PFKFB3: variants seen among roughly 807,000 people sequenced by gnomAD.
PFKFB3 encodes 6-phosphofructo-2-kinase/fructose-2,6-biphosphatase 3, also known as 6-phosphofructo-2-kinase/fructose-2,6-bisphosphatase 3.
Under a neutral mutation model 68.0 loss-of-function variants are expected in PFKFB3, and 33 were observed. The observed-to-expected ratio is 0.49, with a 90% CI of 0.37 to 0.65. The LOEUF is 0.65. PFKFB3 is among the 30% of genes least tolerant of loss of function. The pLI, the probability that PFKFB3 is intolerant of heterozygous loss-of-function variation, is 0.00. For missense variants in PFKFB3, 586 were observed against 712.2 expected, an observed-to-expected ratio of 0.82 and a Z score of 2.02; for synonymous variants, 315 against 288.2, an observed-to-expected ratio of 1.09 and a Z score of -0.94.
chr10:6,217,363 C>A (rs755756831), intron 6 of PFKFB3, among the ~76,000 whole-genome samples, 172 bp downstream of exon 6: 2 of 152,192 alleles, frequency 1.3e-5, no homozygotes, highest in African/African-American at 2.4e-5. Context: ...GGTTTTTAAC[C>A]CAGAGGCCTG....
At chr10:6,184,987 G>A (rs1340521209) in intron 1 of PFKFB3, among the ~76,000 whole-genome samples, 5 of 152,056 alleles carry the variant, frequency 3.3e-5, no homozygotes, top group Non-Finnish European at 7.4e-5. Context: ...AGCTTCGCAC[G>A]TTCACTCTTT....
At position 6,220,565 on chromosome 10, in the gene PFKFB3, G is replaced by A. The variant is rs2131978702; in HGVS notation, c.624-93G>A. ...GAGGGGCCTACGGTCCCGCCTTGCT[G>A]TTCTCTGGGGATCACATCTTCGGAG... On this transcript the variant is annotated intron_variant, in intron 7 of 14. Transcript: ENST00000379775. This position sits in a 1 kb window ranked among gnomAD's most constrained non-coding sequence, Gnocchi z 4.1. 8.4e-7 allele frequency: 1 copy of A among 1,193,084 alleles called. No individual in the cohort carries two copies. The highest frequency in any genetic ancestry group is 1.2e-6 in the Non-Finnish European group (1 of 812,222). 73.9% of individuals were successfully genotyped at this position (1,193,084 alleles called of 1,614,324 possible). A position where few individuals can be genotyped will look rare whatever the true frequency, so the allele number is the denominator to read the frequency against.
the PFKFB3 span, among the ~76,000 whole-genome samples, chr10:6,285,727 C>T: frequency 2.6e-4 from 40 of 152,248 alleles, no homozygotes; most frequent in South Asian, 2.9e-3. Context: ...CCCCTTCCTC[C>T]CAGCTCCTGG....
Position 6,220,868 on chromosome 10 carries a change from G to A in PFKFB3, c.831+3G>A. The A allele has an allele frequency of 4.3e-6, 7 of 1,609,738 alleles. No individual in the cohort carries two copies. The highest frequency in any genetic ancestry group is 5.9e-6 in the Non-Finnish European group (7 of 1,179,894). ...GCCTGTCCAGCCGGGGCAAGAAGGT[G>A]CGGGGTGTGCTGCCGCATGGGCCGT... On this transcript the variant is annotated splice_donor_region_variant and intron_variant, in intron 8 of 14. Coordinates refer to ENST00000379775, the MANE Select transcript of PFKFB3 (RefSeq NM_004566.4). This position sits in a 1 kb window ranked among gnomAD's most constrained non-coding sequence, Gnocchi z 4.1.
In PFKFB3 at chr10:6,229,419, G is replaced by T. The variant is rs1463793332; in HGVS notation, c.1515+3054G>T. ...GGCCGCCTCCTCTCTGCGGCTTCTGGGAGTGGGCTGGGTGCCCGTTCCCTG... is the reference window on the plus strand; with the variant it reads ...GGCCGCCTCCTCTCTGCGGCTTCTGTGAGTGGGCTGGGTGCCCGTTCCCTG... On this transcript the variant is annotated intron_variant, in intron 14 of 14. Coordinates refer to ENST00000379775, the MANE Select transcript of PFKFB3 (RefSeq NM_004566.4). This position sits in a 1 kb window ranked among gnomAD's most constrained non-coding sequence, Gnocchi z 4.3. Among the ~76,000 whole-genome samples the T allele has an allele frequency of 6.6e-6, 1 of 152,200 alleles. No homozygotes were observed. The highest frequency in any genetic ancestry group is 2.4e-5 in the African/African-American group (1 of 41,450).
the PFKFB3 span, among the ~76,000 whole-genome samples, chr10:6,274,731 G>A: frequency 2.9e-3 from 434 of 152,262 alleles, 2 homozygotes; most frequent in African/African-American, 9.9e-3. Context: ...GAGCAACTTG[G>A]AGGCTGAGGT....
intron 14 of PFKFB3, among the ~76,000 whole-genome samples, chr10:6,241,521 T>A (rs1163773379): frequency 1.3e-5 from 2 of 152,174 alleles, no homozygotes; most frequent in Admixed American, 6.5e-5. Context: ...TATCAAAGAA[T>A]CTGTGGCCAT....
rs377117475 is a variant in PFKFB3, at chr10:6,220,653, T to C, written c.624-5T>C. 46 of 1,613,144 alleles carry C rather than the reference T, an allele frequency of 2.9e-5. No homozygotes were observed. The highest frequency in any genetic ancestry group is 5.0e-5 in the Admixed American group (3 of 59,964). ...GCTGTGGTTCTCGGTGGGGTCTCTC[T>C]GCAGGGACTTGTCGCTGATCAAGGT... On this transcript the variant is annotated splice_polypyrimidine_tract_variant and splice_region_variant and intron_variant, in intron 7 of 14. Coordinates refer to ENST00000379775, the MANE Select transcript of PFKFB3 (RefSeq NM_004566.4). This position sits in a 1 kb window ranked among gnomAD's most constrained non-coding sequence, Gnocchi z 4.1.
intron 1 of PFKFB3, among the ~76,000 whole-genome samples, chr10:6,156,712 C>T (rs11257016): frequency 0.17 from 25,177 of 149,766 alleles, 2,401 homozygotes; most frequent in African/African-American, 0.26. Context: ...GGTCTCGAAT[C>T]CCTGACCTCG....
chr10:6,293,024 C>G, the PFKFB3 span: 3 of 320,008 alleles, frequency 9.4e-6, no homozygotes, highest in Non-Finnish European at 1.9e-5. Context: ...CAGAAAGCCT[C>G]ACGTGCAGAA....
chr10:6,311,420 C>CG, the PFKFB3 span, among the ~76,000 whole-genome samples: 1 of 152,092 alleles, frequency 6.6e-6, no homozygotes, highest in Non-Finnish European at 1.5e-5. Context: ...AGGTTCCCTA[C>CG]GGAAGACCTA....
the PFKFB3 span, among the ~76,000 whole-genome samples, chr10:6,316,534 A>C: frequency 6.6e-6 from 1 of 151,946 alleles, no homozygotes; most frequent in African/African-American, 2.4e-5. Context: ...GCTGGAGTGC[A>C]GTGGTGTGAT....
chr10:6,190,823 G>T (rs1843003025), intron 1 of PFKFB3, among the ~76,000 whole-genome samples: 1 of 152,188 alleles, frequency 6.6e-6, no homozygotes, highest in Admixed American at 6.5e-5. Flanking sequence ...CTGTCACCCA[G>T]GCTGGAGTGC....
At chr10:6,192,950 A>G (rs566983244) in intron 1 of PFKFB3, among the ~76,000 whole-genome samples, 1 of 152,246 alleles carries the variant, frequency 6.6e-6, no homozygotes, top group Admixed American at 6.5e-5. Context: ...TTCTCATTCT[A>G]CAGATGATTT....
At chr10:6,175,458 C>A (rs1175578338) in intron 1 of PFKFB3, among the ~76,000 whole-genome samples, 1 of 152,218 alleles carries the variant, frequency 6.6e-6, no homozygotes, top group Non-Finnish European at 1.5e-5. Context: ...GTGCTGTTGT[C>A]ATCCCCGTAT....
At chr10:6,193,174 CT>C (rs1348391403) in intron 1 of PFKFB3, among the ~76,000 whole-genome samples, 1 of 152,178 alleles carries the variant, frequency 6.6e-6, no homozygotes, top group East Asian at 1.9e-4. Flanking sequence ...ATGAGACCCC[CT>C]GTCTCTACAA....
the PFKFB3 span, among the ~76,000 whole-genome samples, chr10:6,298,725 C>T: frequency 6.6e-6 from 1 of 152,242 alleles, no homozygotes; most frequent in Non-Finnish European, 1.5e-5. Context: ...GGCAGCTGTT[C>T]AGGAGCATTC....
the PFKFB3 span, among the ~76,000 whole-genome samples, chr10:6,325,916 C>A: frequency 6.6e-6 from 1 of 152,138 alleles, no homozygotes; most frequent in African/African-American, 2.4e-5. Flanking sequence ...CTCCTTCTGC[C>A]GCTCTGTTGC....
At chr10:6,305,347 A>AT in the PFKFB3 span, among the ~76,000 whole-genome samples, 305 of 75,716 alleles carry the variant, frequency 4.0e-3, 8 homozygotes, top group East Asian at 0.023. Flanking sequence ...AATATTAGGA[A>AT]TTTTTTTTTT....
Sources: allele counts gnomAD v4.1 joint callset (sites outside exome capture counted in the v4.1 genomes callset), GRCh38; gene constraint gnomAD v4.1.1; non-coding constraint Gnocchi (gnomAD v3.1); transcripts MANE v1.5; gene names NCBI Gene and HGNC (gene_info 2026-07-23, HGNC 2026-07-21).